Variants in MAML2 observed in about 807,000 individuals in gnomAD.
MAML2 encodes mastermind like transcriptional coactivator 2, also known as mastermind-like protein 2.
In MAML2, 22 loss-of-function variants were observed where a neutral mutation model predicts 96.1. The observed-to-expected ratio is 0.23, with a 90% CI of 0.16 to 0.33. The LOEUF (loss-of-function observed/expected upper bound fraction) is 0.33. Ranked by LOEUF, MAML2 falls within the 10% of genes least tolerant of loss-of-function variation. MAML2 has a pLI of 1.00. For synonymous variants in MAML2, 561 were observed against 521.3 expected, an observed-to-expected ratio of 1.08 and a Z score of -1.04; for missense variants, 1,367 against 1,392.4, an observed-to-expected ratio of 0.98 and a Z score of 0.29.
chr11:96,046,031 G>A (rs1858895510), intron 2 of MAML2, among the ~76,000 whole-genome samples: 1 of 151,860 alleles, frequency 6.6e-6, no homozygotes, highest in African/African-American at 2.4e-5. Flanking sequence ...AGAAGTGAAC[G>A]ATTTCTTTCT....
chr11:96,327,165 C>G (rs77895496), intron 1 of MAML2, among the ~76,000 whole-genome samples: 1 of 152,050 alleles, frequency 6.6e-6, no homozygotes, highest in African/African-American at 2.4e-5. Context: ...GAATCCTGTA[C>G]GACAAGAATA....
intron 2 of MAML2, among the ~76,000 whole-genome samples, chr11:96,074,763 T>C (rs1399867975): frequency 6.6e-6 from 1 of 152,236 alleles, no homozygotes; most frequent in Non-Finnish European, 1.5e-5. Context: ...TTCCTGTGTC[T>C]GTCTGAGATT....
chr11:96,090,175 C>T (rs1859682079), intron 2 of MAML2, among the ~76,000 whole-genome samples: 1 of 152,060 alleles, frequency 6.6e-6, no homozygotes, highest in Non-Finnish European at 1.5e-5. Context: ...CTGCAATACA[C>T]TCAAGCTGCT....
chr11:96,325,256 G>A (rs1353211172), intron 1 of MAML2, among the ~76,000 whole-genome samples: 1 of 152,100 alleles, frequency 6.6e-6, no homozygotes, highest in Non-Finnish European at 1.5e-5. Flanking sequence ...ATAGGTCCAG[G>A]AGCCCCAGGG....
At chr11:95,999,173 A>G (rs1858042857) in intron 2 of MAML2, among the ~76,000 whole-genome samples, 1 of 152,192 alleles carries the variant, frequency 6.6e-6, no homozygotes, top group South Asian at 2.1e-4. Context: ...TAAATATTTA[A>G]AGAAATAGTA....
At chr11:96,158,887 G>C (rs973680680) in intron 1 of MAML2, among the ~76,000 whole-genome samples, 1 of 152,308 alleles carries the variant, frequency 6.6e-6, no homozygotes, top group East Asian at 1.9e-4. Context: ...TGGGAGAAAT[G>C]GTAAATGGTA....
intron 2 of MAML2, among the ~76,000 whole-genome samples, chr11:96,065,561 A>G (rs1015329520): frequency 2.6e-5 from 4 of 152,368 alleles, no homozygotes; most frequent in Middle Eastern, 6.8e-3. Flanking sequence ...TCTCTCTAGT[A>G]TTCATAAAGG....
rs1266700525 is a variant in MAML2 at position 96,342,829 on chromosome 11, AC to A, written c.-935del. 2 of 322,368 alleles carry A rather than the reference AC, an allele frequency of 6.2e-6. No homozygotes were observed. The highest frequency in any genetic ancestry group is 1.1e-5 in the Non-Finnish European group (2 of 178,218). 20.0% of individuals were successfully genotyped at this position (322,368 alleles called of 1,614,324 possible). A position where few individuals can be genotyped will look rare whatever the true frequency, so the allele number is the denominator to read the frequency against. On this transcript the variant is annotated 5_prime_UTR_variant, in exon 1 of 5. Transcript: ENST00000524717. ...TTTCCCGCTTACGTTTCTATTCCTC[AC>A]CCCCGGCTCTATTCTAATACAGTAT...
chr11:96,087,469 C>G (rs1444087284), intron 2 of MAML2, among the ~76,000 whole-genome samples: 2 of 152,196 alleles, frequency 1.3e-5, no homozygotes, highest in Non-Finnish European at 2.9e-5. Context: ...CAACCTTGTT[C>G]CCTTTTGCCA....
chr11:96,017,237 C>A (rs568147978), intron 2 of MAML2, among the ~76,000 whole-genome samples: 5 of 152,170 alleles, frequency 3.3e-5, no homozygotes, highest in Middle Eastern at 6.8e-3. Context: ...TAGTAAATGG[C>A]GAATCTAAAT....
chr11:96,303,599 C>T (rs1863420761), intron 1 of MAML2, among the ~76,000 whole-genome samples: 3 of 152,138 alleles, frequency 2.0e-5, no homozygotes, highest in South Asian at 2.1e-4. Context: ...ATTTTCCTTT[C>T]CTCCTTTGAG....
Position 96,041,336 on chromosome 11 carries a change from CA to C in MAML2, c.2140-49614del, listed in dbSNP as rs528688136. Among the ~76,000 whole-genome samples, 921 of 132,748 alleles carry C rather than the reference CA, an allele frequency of 6.9e-3. 5 individuals are homozygous for C. The highest frequency in any genetic ancestry group is 9.8e-3 in the Non-Finnish European group (599 of 61,286). 87.1% of individuals were successfully genotyped at this position (132,748 alleles called of 152,430 possible). A position where few individuals can be genotyped will look rare whatever the true frequency, so the allele number is the denominator to read the frequency against. On this transcript the variant is annotated intron_variant, in intron 2 of 4. Transcript: ENST00000524717. ...TGAAACCCCCTCTCTACTAAAAATA[CA>C]AAAAAAAAAAAAATTTAGCCGGGCA... is the stretch of plus-strand genomic sequence containing the variant.
At chr11:96,329,916 A>G (rs924959203) in intron 1 of MAML2, among the ~76,000 whole-genome samples, 15 of 152,230 alleles carry the variant, frequency 9.9e-5, no homozygotes, top group Admixed American at 4.6e-4. Context: ...ACCAGCTAAC[A>G]AAGTCTTCTG....
At chr11:96,042,576 C>T (rs1478829992) in intron 2 of MAML2, among the ~76,000 whole-genome samples, 2 of 150,814 alleles carry the variant, frequency 1.3e-5, no homozygotes. Context: ...AAGCCTTTAG[C>T]CTGAAAACCA....
chr11:96,108,348 T>G (rs1364469391), intron 1 of MAML2, among the ~76,000 whole-genome samples: 1 of 152,232 alleles, frequency 6.6e-6, no homozygotes, highest in Non-Finnish European at 1.5e-5. Context: ...CTATTATTTT[T>G]ATGTAGTCTT....
intron 2 of MAML2, among the ~76,000 whole-genome samples, chr11:96,034,432 T>TGTGAGAGA (rs549312275): frequency 2.2e-4 from 30 of 135,734 alleles, no homozygotes; most frequent in Non-Finnish European, 3.1e-4. Context: ...TGTGTGTGTG[T>TGTGAGAGA]GAGAGAGAGA....
intron 1 of MAML2, among the ~76,000 whole-genome samples, chr11:96,120,713 T>C (rs925811409): frequency 3.3e-5 from 5 of 152,196 alleles, no homozygotes; most frequent in African/African-American, 1.2e-4. Context: ...TTTGTCCTCA[T>C]TCCCCTCCTC....
At chr11:96,184,133 A>G (rs962120226) in intron 1 of MAML2, among the ~76,000 whole-genome samples, 4 of 152,198 alleles carry the variant, frequency 2.6e-5, no homozygotes, top group Non-Finnish European at 4.4e-5. Context: ...CAAAGCCCTA[A>G]AAAGCAACAT....
At chr11:96,016,561 T>C (rs1285324640) in intron 2 of MAML2, among the ~76,000 whole-genome samples, 1 of 152,168 alleles carries the variant, frequency 6.6e-6, no homozygotes, top group African/African-American at 2.4e-5. Context: ...TACCATACTG[T>C]CTAGCAGAGA....
Sources: allele counts gnomAD v4.1 joint callset (sites outside exome capture counted in the v4.1 genomes callset), GRCh38; gene constraint gnomAD v4.1.1; transcripts MANE v1.5; gene names NCBI Gene and HGNC (gene_info 2026-07-23, HGNC 2026-07-21).